Variants in CACNB2 observed in about 807,000 individuals in gnomAD.
The protein encoded by CACNB2 is voltage-dependent L-type calcium channel subunit beta-2.
A neutral mutation model predicts 73.3 loss-of-function variants in CACNB2; 42 were observed. The ratio of observed to expected loss-of-function variants is 0.57; its 90% CI spans 0.45 to 0.74. The LOEUF (loss-of-function observed/expected upper bound fraction) is 0.74. Ranked by LOEUF, CACNB2 falls within the 30% of genes least tolerant of loss-of-function variation. The pLI is 0.00. For synonymous variants in CACNB2, 348 were observed against 310.3 expected, an observed-to-expected ratio of 1.12 and a Z score of -1.28; for missense variants, 940 against 853.0, an observed-to-expected ratio of 1.10 and a Z score of -1.27.
At chr10:18,247,487 C>T (rs995805260) in intron 2 of CACNB2, among the ~76,000 whole-genome samples, 1 of 151,856 alleles carries the variant, frequency 6.6e-6, no homozygotes, top group Non-Finnish European at 1.5e-5. Context: ...TATGAAGTGC[C>T]GGCTGGATAT....
chr10:18,446,597 C>T (rs1231000442), intron 3 of CACNB2, among the ~76,000 whole-genome samples: 2 of 152,132 alleles, frequency 1.3e-5, no homozygotes, highest in African/African-American at 4.8e-5. Context: ...TCCAGTGACA[C>T]TACTTAGTAT....
At chr10:18,235,047 G>T (rs1292474677) in intron 2 of CACNB2, among the ~76,000 whole-genome samples, 1 of 151,954 alleles carries the variant, frequency 6.6e-6, no homozygotes, top group African/African-American at 2.4e-5. Context: ...GGAGGCTGAG[G>T]CAGGAGAATG....
intron 3 of CACNB2, among the ~76,000 whole-genome samples, chr10:18,432,450 C>CTCTGTGTGTGTGTGTGTG (rs1411132620): frequency 6.6e-6 from 1 of 150,520 alleles, no homozygotes; most frequent in African/African-American, 2.4e-5. Flanking sequence ...GTGTGTGTCT[C>CTCTGTGTGTGTGTGTGTG]TGTGTGTGTG....
chr10:18,191,525 T>G (rs2034395370), intron 2 of CACNB2, among the ~76,000 whole-genome samples: 1 of 152,194 alleles, frequency 6.6e-6, no homozygotes, highest in African/African-American at 2.4e-5. Flanking sequence ...TTTGTGAAAT[T>G]TTGGTACACC....
Position 18,499,346 on chromosome 10 carries a change from G to A in CACNB2, c.456+869G>A, listed in dbSNP as rs559834094. On this transcript the variant is annotated intron_variant, in intron 4 of 13. Transcript: ENST00000324631. The stretch of plus-strand genomic sequence containing the variant: ...ATTAAAAGAACCTAGGGCTGGGCCC[G>A]GTGGCTCATGCCTGTAATCCCAACA... Among the ~76,000 whole-genome samples the A allele has an allele frequency of 8.5e-4, 130 of 152,194 alleles. No individual in the cohort carries two copies. In the Middle Eastern group the frequency reaches 0.014, roughly 16 times the overall value.
intron 2 of CACNB2, among the ~76,000 whole-genome samples, chr10:18,216,844 A>T (rs543253211): frequency 6.6e-6 from 1 of 152,324 alleles, no homozygotes; most frequent in South Asian, 2.1e-4. Context: ...ACATTGAGTT[A>T]TACATTTCTG....
intron 3 of CACNB2, among the ~76,000 whole-genome samples, chr10:18,447,281 G>C (rs114321521): frequency 6.6e-6 from 1 of 152,140 alleles, no homozygotes; most frequent in Non-Finnish European, 1.5e-5. Flanking sequence ...ACCATAGACC[G>C]TGTATTTGGA....
chr10:18,242,881 G>A (rs1249171337), intron 2 of CACNB2, among the ~76,000 whole-genome samples: 1 of 151,204 alleles, frequency 6.6e-6, no homozygotes, highest in African/African-American at 2.4e-5. Context: ...ATGGTGGTGG[G>A]CACCTGTAGT....
intron 2 of CACNB2, among the ~76,000 whole-genome samples, chr10:18,397,752 A>G (rs1165345425): frequency 6.6e-6 from 1 of 151,822 alleles, no homozygotes; most frequent in Non-Finnish European, 1.5e-5. Flanking sequence ...AAGTGGAAAA[A>G]GAAATTGAAG....
chr10:18,262,468 C>T (rs2037596572), intron 2 of CACNB2, among the ~76,000 whole-genome samples: 1 of 152,150 alleles, frequency 6.6e-6, no homozygotes, highest in African/African-American at 2.4e-5. Flanking sequence ...TTGAATGCAA[C>T]AGTTGACATA....
At chr10:18,465,777 G>T (rs748825694) in intron 3 of CACNB2, among the ~76,000 whole-genome samples, 3 of 151,540 alleles carry the variant, frequency 2.0e-5, no homozygotes, top group Non-Finnish European at 4.4e-5. Context: ...TGCCTCCCAG[G>T]TTCAAGTAGT....
chr10:18,470,910 C>A (rs1469339868), intron 3 of CACNB2, among the ~76,000 whole-genome samples: 1 of 152,146 alleles, frequency 6.6e-6, no homozygotes, highest in African/African-American at 2.4e-5. Flanking sequence ...AATGTATGAG[C>A]CAAGCATGCC....
At chr10:18,242,797 A>T (rs1474539963) in intron 2 of CACNB2, among the ~76,000 whole-genome samples, 2 of 150,708 alleles carry the variant, frequency 1.3e-5, no homozygotes, top group African/African-American at 4.9e-5. Flanking sequence ...ATCCTGGCTA[A>T]CACAGTGAAA....
At chr10:18,233,372 T>G (rs1200696844) in intron 2 of CACNB2, among the ~76,000 whole-genome samples, 1 of 152,112 alleles carries the variant, frequency 6.6e-6, no homozygotes, top group Non-Finnish European at 1.5e-5. Context: ...TGACCTTAAC[T>G]GGTAATTTTT....
At chr10:18,442,774 G>A (rs1367776822) in intron 3 of CACNB2, among the ~76,000 whole-genome samples, 2 of 149,902 alleles carry the variant, frequency 1.3e-5, no homozygotes, top group Non-Finnish European at 3.0e-5. Flanking sequence ...GCAGTGAGCC[G>A]AGATGGCGCC....
intron 5 of CACNB2, 127 bp from the exon 6 acceptor site, chr10:18,506,344 C>G: frequency 1.4e-6 from 1 of 691,502 alleles, no homozygotes; most frequent in Admixed American, 2.1e-5. Context: ...ATATTGTTTT[C>G]CTCCTTAAAT....
At chr10:18,520,507 G>A (rs1316523376) in intron 9 of CACNB2, among the ~76,000 whole-genome samples, 2 of 152,170 alleles carry the variant, frequency 1.3e-5, no homozygotes, top group Non-Finnish European at 2.9e-5. Context: ...TAAAGCCTGT[G>A]CTCAGGTTAG....
At chr10:18,210,941 G>T (rs1052940277) in intron 2 of CACNB2, among the ~76,000 whole-genome samples, 1 of 152,196 alleles carries the variant, frequency 6.6e-6, no homozygotes, top group Non-Finnish European at 1.5e-5. Context: ...CTTCAGACAA[G>T]TTTCTCAGCC....
At chr10:18,442,326 T>A (rs1013040205) in intron 3 of CACNB2, among the ~76,000 whole-genome samples, 1 of 151,846 alleles carries the variant, frequency 6.6e-6, no homozygotes, top group Non-Finnish European at 1.5e-5. Context: ...ATTTTTTGTA[T>A]TTTTAGTAGA....
Sources: gnomAD v4.1 joint callset for allele counts (sites outside exome capture counted in the v4.1 genomes callset) on GRCh38, gnomAD v4.1.1 for gene constraint, MANE v1.5 for transcripts, NCBI Gene and HGNC (gene_info 2026-07-23, HGNC 2026-07-21) for gene names.